QTGAL: variants seen among roughly 807,000 people sequenced by gnomAD.
The protein encoded by QTGAL is queuosine-tRNA galactosyltransferase.
At chr17:83,007,228 AGCACATGCTAAAAATAGTT>A in the QTGAL span, 1 of 985,232 alleles carries the variant, frequency 1.0e-6, no homozygotes, top group Non-Finnish European at 1.2e-6. Context: ...TCTCTCCTAA[AGCACATGCTAAAAATAGTT>A]GTGAATTAGG....
chr17:83,024,741 C>T, the QTGAL span, among the ~76,000 whole-genome samples: 14 of 152,346 alleles, frequency 9.2e-5, no homozygotes, highest in African/African-American at 2.6e-4. Flanking sequence ...TCATGATGCC[C>T]GCAACATCGG....
chr17:83,016,072 G>A, the QTGAL span, among the ~76,000 whole-genome samples: 1 of 152,172 alleles, frequency 6.6e-6, no homozygotes, highest in Non-Finnish European at 1.5e-5. Flanking sequence ...AGCATTTATT[G>A]ATCGAGTGGT....
chr17:82,983,387 TG>T, the QTGAL span, among the ~76,000 whole-genome samples: 4 of 152,162 alleles, frequency 2.6e-5, no homozygotes, highest in Admixed American at 2.6e-4. Flanking sequence ...TCTACCATCC[TG>T]GGGGGAAGCA....
At chr17:82,954,178 C>A in the QTGAL span, among the ~76,000 whole-genome samples, 1 of 152,124 alleles carries the variant, frequency 6.6e-6, no homozygotes, top group Non-Finnish European at 1.5e-5. Context: ...AAAGAGTATT[C>A]AGATATGAAG....
the QTGAL span, among the ~76,000 whole-genome samples, chr17:82,999,652 GGAAGA>G: frequency 6.6e-6 from 1 of 152,138 alleles, no homozygotes; most frequent in Non-Finnish European, 1.5e-5. Flanking sequence ...AAAATCATAA[GGAAGA>G]GAAAATACAT....
chr17:82,956,944 C>T, the QTGAL span: 1,273 of 946,790 alleles, frequency 1.3e-3, 20 homozygotes, highest in East Asian at 0.021. This position sits in a 1 kb window ranked among gnomAD's most constrained non-coding sequence, Gnocchi z 5.7. Context: ...ACCCGGCTCC[C>T]GCCACCCCCG....
At chr17:83,039,801 A>G in the QTGAL span, among the ~76,000 whole-genome samples, 1 of 152,070 alleles carries the variant, frequency 6.6e-6, no homozygotes, top group African/African-American at 2.4e-5. Flanking sequence ...AGTCTACTTT[A>G]CTCCTGCGTC....
the QTGAL span, among the ~76,000 whole-genome samples, chr17:82,982,364 T>C: frequency 1.3e-5 from 2 of 152,264 alleles, no homozygotes; most frequent in African/African-American, 2.4e-5. Flanking sequence ...AAGGATCAAA[T>C]GTACTTGCAA....
chr17:83,012,448 C>T, the QTGAL span, among the ~76,000 whole-genome samples: 11 of 152,238 alleles, frequency 7.2e-5, no homozygotes, highest in Non-Finnish European at 1.2e-4. Flanking sequence ...ATTCCTTAGA[C>T]GTCTGTATGA....
the QTGAL span, among the ~76,000 whole-genome samples, chr17:82,969,633 C>G: frequency 6.6e-6 from 1 of 152,202 alleles, no homozygotes; most frequent in Non-Finnish European, 1.5e-5. Context: ...TGTGCTTACA[C>G]CTGTCAACAG....
chr17:82,984,014 CGTGGGGG>C, the QTGAL span, among the ~76,000 whole-genome samples: 1 of 121,686 alleles, frequency 8.2e-6, no homozygotes. Context: ...CACGTGAGGA[CGTGGGGG>C]AGGGGAGAGG....
chr17:83,010,027 T>TG, the QTGAL span, among the ~76,000 whole-genome samples: 2 of 65,484 alleles, frequency 3.1e-5, no homozygotes, highest in African/African-American at 1.2e-4. Flanking sequence ...GCCCCTGGTG[T>TG]GGGGGGGCTG....
At chr17:83,032,738 C>T in the QTGAL span, among the ~76,000 whole-genome samples, 2 of 152,144 alleles carry the variant, frequency 1.3e-5, no homozygotes, top group Non-Finnish European at 2.9e-5. Flanking sequence ...TGTAAGAAAA[C>T]GGGAGAAATC....
At chr17:82,962,853 CG>C in the QTGAL span, among the ~76,000 whole-genome samples, 3 of 152,064 alleles carry the variant, frequency 2.0e-5, no homozygotes, top group Non-Finnish European at 2.9e-5. Flanking sequence ...CAGCCGCTCC[CG>C]GGTGGTGCCT....
the QTGAL span, among the ~76,000 whole-genome samples, chr17:82,977,316 C>G: frequency 6.6e-6 from 1 of 152,108 alleles, no homozygotes; most frequent in Non-Finnish European, 1.5e-5. Context: ...TTTAAAACGG[C>G]TTGAGGATGG....
chr17:82,958,529 C>A, the QTGAL span, among the ~76,000 whole-genome samples: 2 of 152,178 alleles, frequency 1.3e-5, no homozygotes, highest in East Asian at 3.9e-4. Context: ...CCTCCGCCTC[C>A]CGGGATAAAC....
chr17:83,005,516 C>A, the QTGAL span: 3 of 693,874 alleles, frequency 4.3e-6, no homozygotes, highest in Non-Finnish European at 5.3e-6. The surrounding 1 kb of genome is among the most constrained non-coding windows in gnomAD (Gnocchi z 5.6). Context: ...TGACATTTCC[C>A]CTTAATGAAC....
At chr17:83,040,997 C>T in the QTGAL span, among the ~76,000 whole-genome samples, 4 of 148,100 alleles carry the variant, frequency 2.7e-5, no homozygotes, top group Non-Finnish European at 4.4e-5. Flanking sequence ...ACTTGGGAGG[C>T]AGAGCTTGCA....
At chr17:82,965,778 G>A in the QTGAL span, 1 of 1,571,852 alleles carries the variant, frequency 6.4e-7, no homozygotes, top group South Asian at 1.1e-5. Context: ...AGAGTTAGCG[G>A]AAAAGAACAG....
Sources: allele counts gnomAD v4.1 joint callset (sites outside exome capture counted in the v4.1 genomes callset), GRCh38; gene constraint gnomAD v4.1.1; non-coding constraint Gnocchi (gnomAD v3.1); transcripts MANE v1.5; gene names NCBI Gene and HGNC (gene_info 2026-07-23, HGNC 2026-07-21).